Variants in SPOP observed in about 807,000 individuals in gnomAD.
SPOP encodes the protein speckle-type POZ protein.
SPOP carries 11 observed loss-of-function variants against 45.6 expected under a neutral mutation model. That is an observed-to-expected ratio of 0.24 (90% CI 0.15 to 0.40). The LOEUF (loss-of-function observed/expected upper bound fraction) is 0.40, where lower values mean the gene tolerates loss of function less well. Among genes scored for constraint, SPOP ranks in the 10% least tolerant of loss-of-function variants. The pLI is 1.00. For synonymous variants in SPOP, 166 were observed against 166.3 expected, an observed-to-expected ratio of 1.00 and a Z score of 0.01; for missense variants, 152 against 465.6, an observed-to-expected ratio of 0.33 and a Z score of 6.20.
intron 1 of SPOP, among the ~76,000 whole-genome samples, chr17:49,675,456 G>A (rs570052831): frequency 2.0e-5 from 3 of 152,208 alleles, no homozygotes; most frequent in East Asian, 1.9e-4. Flanking sequence ...ATACTGTCTC[G>A]GGATGAATAA....
rs539951016 is a variant in SPOP at position 49,645,586 on chromosome 17, C to G, written c.-66-22710G>C. ...CTGGGATTACAGGCATGAGTCACCGCGCCCAGCCAGAAAGCACATCTTAAA... is the reference window on the plus strand; with the variant it reads ...CTGGGATTACAGGCATGAGTCACCGGGCCCAGCCAGAAAGCACATCTTAAA... On this transcript the variant is annotated intron_variant, in intron 1 of 9. Coordinates refer to ENST00000504102, the MANE Select transcript of SPOP (RefSeq NM_001007228.2). Among the ~76,000 whole-genome samples the G allele has an allele frequency of 2.0e-5, 3 of 152,028 alleles. No individual in the cohort carries two copies. In the East Asian group the frequency reaches 5.8e-4, roughly 29 times the overall value.
chr17:49,653,044 G>T (rs1416373169), intron 1 of SPOP, among the ~76,000 whole-genome samples: 4 of 152,048 alleles, frequency 2.6e-5, no homozygotes, highest in Non-Finnish European at 4.4e-5. Flanking sequence ...TATCCTCAGG[G>T]CCTGAATTCT....
intron 8 of SPOP, among the ~76,000 whole-genome samples, chr17:49,603,070 C>T (rs1408209459): frequency 6.6e-6 from 1 of 152,180 alleles, no homozygotes; most frequent in Non-Finnish European, 1.5e-5. Flanking sequence ...AACTCAATGA[C>T]ACAATGCCCC....
intron 1 of SPOP, among the ~76,000 whole-genome samples, chr17:49,670,207 C>T (rs184268954): frequency 1.6e-3 from 249 of 152,328 alleles, no homozygotes; most frequent in Middle Eastern, 3.4e-3. Flanking sequence ...ACAGCCCAAG[C>T]ATTTCCTCAA....
intron 9 of SPOP, chr17:49,601,356 ATAT>A (rs1347396003): frequency 1.3e-5 from 2 of 152,252 alleles, no homozygotes; most frequent in Non-Finnish European, 2.9e-5. Flanking sequence ...TTATTATTCC[ATAT>A]TATTATTTCA....
intron 8 of SPOP, chr17:49,602,353 T>C (rs2071756016): frequency 5.1e-6 from 1 of 195,470 alleles, no homozygotes; most frequent in African/African-American, 2.3e-5. Flanking sequence ...ACAATTACAG[T>C]GAGGCATCAG....
chr17:49,635,392 A>G (rs536358298), intron 1 of SPOP, among the ~76,000 whole-genome samples: 4 of 152,332 alleles, frequency 2.6e-5, no homozygotes, highest in Non-Finnish European at 4.4e-5. Context: ...TTAAAATGCA[A>G]TAACACCTAT....
chr17:49,647,195 C>T lies in SPOP; in HGVS notation c.-66-24319G>A, dbSNP rs556862389. 1.6e-3 allele frequency among the ~76,000 whole-genome samples: 243 copies of T among 151,248 alleles called. 1 individual carries two copies. Among genetic ancestry groups the T allele is most frequent in the African/African-American group, 5.8e-3 (240 of 41,178 alleles). On this transcript the variant is annotated intron_variant, in intron 1 of 9. Coordinates refer to ENST00000504102, the MANE Select transcript of SPOP (RefSeq NM_001007228.2). Reference sequence around the variant, plus strand: ...CCTGTAGTCCCAGCTAATCGGAAGGCTGAGCGGGAGGCTGAGGCTGGAGAA... The same window carrying T: ...CCTGTAGTCCCAGCTAATCGGAAGGTTGAGCGGGAGGCTGAGGCTGGAGAA...
At chr17:49,656,461 T>C (rs376996944) in intron 1 of SPOP, among the ~76,000 whole-genome samples, 15 of 152,280 alleles carry the variant, frequency 9.9e-5, no homozygotes, top group African/African-American at 3.1e-4. Flanking sequence ...ATAACTCCCA[T>C]AAAAACCTCT....
chr17:49,658,315 C>G (rs191860796), intron 1 of SPOP, among the ~76,000 whole-genome samples: 1 of 152,050 alleles, frequency 6.6e-6, no homozygotes, highest in Admixed American at 6.5e-5. Flanking sequence ...TTACTTTTTT[C>G]TTTATACTTT....
At chr17:49,611,671 T>C (rs751630520) in intron 5 of SPOP, among the ~76,000 whole-genome samples, 12 of 152,284 alleles carry the variant, frequency 7.9e-5, no homozygotes, top group Non-Finnish European at 1.3e-4. Context: ...CTCAGGACAA[T>C]AGGAAGAGAG....
At chr17:49,634,230 C>T (rs1175167062) in intron 1 of SPOP, among the ~76,000 whole-genome samples, 1 of 152,186 alleles carries the variant, frequency 6.6e-6, no homozygotes, top group Non-Finnish European at 1.5e-5. Context: ...AACAACTTCT[C>T]CATTCTCACA....
In SPOP at chr17:49,622,062, C is replaced by A. The variant is rs1233295619; in HGVS notation, c.84G>T (p.Lys28Asn). 1 of 1,613,328 alleles carries A rather than the reference C, an allele frequency of 6.2e-7. No individual in the cohort carries two copies. Among genetic ancestry groups the A allele is most frequent in the African/African-American group, 1.3e-5 (1 of 74,892 alleles). Residue 28 changes from lysine to asparagine, a missense_variant, in exon 3 of 10, where the codon AAG becomes AAT. Transcript: ENST00000504102. ...VAESWCYTQI[K>N]VVKFSYMWTI... Reference sequence around the variant, plus strand: ...TCCACATGTAGGAGAATTTCACTACCTTGATCTGTTGATAGAAAAACAGGA... The same window carrying A: ...TCCACATGTAGGAGAATTTCACTACATTGATCTGTTGATAGAAAAACAGGA...
intron 5 of SPOP, among the ~76,000 whole-genome samples, chr17:49,615,552 G>A (rs895088242): frequency 7.2e-5 from 11 of 151,762 alleles, no homozygotes; most frequent in African/African-American, 2.7e-4. Context: ...GTCCAGGTAG[G>A]AGTGCAATGG....
intron 5 of SPOP, among the ~76,000 whole-genome samples, chr17:49,617,427 C>T (rs1454037429): frequency 6.6e-6 from 1 of 152,176 alleles, no homozygotes; most frequent in East Asian, 1.9e-4. Flanking sequence ...AGAATTCACA[C>T]TCCAAGTTTA....
chr17:49,617,133 G>T (rs1427230846), intron 5 of SPOP, among the ~76,000 whole-genome samples: 1 of 152,132 alleles, frequency 6.6e-6, no homozygotes, highest in African/African-American at 2.4e-5. Flanking sequence ...GACCCACTGT[G>T]GACTCAAAAA....
At chr17:49,629,807 CAGAG>C (rs1312775123) in intron 1 of SPOP, among the ~76,000 whole-genome samples, 1 of 152,108 alleles carries the variant, frequency 6.6e-6, no homozygotes, top group Non-Finnish European at 1.5e-5. Flanking sequence ...AACCAGTTAA[CAGAG>C]AGAGAGGCAT....
intron 3 of SPOP, among the ~76,000 whole-genome samples, chr17:49,620,468 A>C (rs2072199778): frequency 7.9e-6 from 1 of 126,840 alleles, no homozygotes; most frequent in African/African-American, 2.9e-5. Flanking sequence ...ACTCTGTCTC[A>C]AAAAAAAAAA....
At chr17:49,625,112 T>C (rs2072303151) in intron 1 of SPOP, among the ~76,000 whole-genome samples, 1 of 152,140 alleles carries the variant, frequency 6.6e-6, no homozygotes, top group Non-Finnish European at 1.5e-5. Context: ...AGTTTGCATT[T>C]CTAACAAGTT....
Sources: gnomAD v4.1 joint callset for allele counts (sites outside exome capture counted in the v4.1 genomes callset) on GRCh38, gnomAD v4.1.1 for gene constraint, MANE v1.5 for transcripts, NCBI Gene and HGNC (gene_info 2026-07-23, HGNC 2026-07-21) for gene names.